ABHD2: variants seen among roughly 807,000 people sequenced by gnomAD.
ABHD2 encodes the protein monoacylglycerol lipase ABHD2.
Under a neutral mutation model 48.1 loss-of-function variants are expected in ABHD2, and 20 were observed. That is an observed-to-expected ratio of 0.42 (90% CI 0.29 to 0.60). ABHD2 has a LOEUF of 0.60. Ranked by LOEUF, ABHD2 falls within the 20% of genes least tolerant of loss-of-function variation. ABHD2 has a pLI of 0.24. For missense variants in ABHD2, 405 were observed against 550.9 expected (o/e 0.74, Z 2.65); for synonymous variants, 209 against 214.2 (o/e 0.98, Z 0.21).
chr15:89,127,706 C>CATATATATATATATATATATATAT lies in ABHD2; in HGVS notation c.194+11198_194+11199insTATATATATATATATATATATATA, dbSNP rs71464446. Among the ~76,000 whole-genome samples the CATATATATATATATATATATATAT allele has an allele frequency of 1.0e-4, 13 of 129,894 alleles. 1 individual carries two copies. The highest frequency in any genetic ancestry group is 4.7e-4 in the African/African-American group (13 of 27,938). The allele number at this position is 129,894 out of a possible 152,430, so 85.2% of individuals were successfully genotyped here. A position where few individuals can be genotyped will look rare whatever the true frequency, so the allele number is the denominator to read the frequency against. On this transcript the variant is annotated intron_variant, in intron 3 of 10. Coordinates refer to ENST00000352732, the MANE Select transcript of ABHD2 (RefSeq NM_152924.5). The stretch of plus-strand genomic sequence containing the variant: ...TCTTCTCAGTGAATATATATATATA[C>CATATATATATATATATATATATAT]ATATATATATATACACATATATATA...
chr15:89,090,178 C>G (rs1901537789), intron 1 of ABHD2: 1 of 152,212 alleles, frequency 6.6e-6, no homozygotes, highest in Non-Finnish European at 1.5e-5. Flanking sequence ...GATTTTGGTG[C>G]CTGAGTGCCT....
chr15:89,057,655 C>T, the ABHD2 span, among the ~76,000 whole-genome samples: 1 of 152,178 alleles, frequency 6.6e-6, no homozygotes, highest in Non-Finnish European at 1.5e-5. Context: ...GGCTCACCCC[C>T]ATTCCTGCTG....
the ABHD2 span, among the ~76,000 whole-genome samples, chr15:89,077,130 C>A: frequency 6.6e-6 from 1 of 152,158 alleles, no homozygotes; most frequent in Non-Finnish European, 1.5e-5. Flanking sequence ...CACTGGCACC[C>A]AAGAACCCCC....
chr15:89,114,925 C>T lies in ABHD2; in HGVS notation c.-7+1101C>T, dbSNP rs945125942. ...TGCCCTGATGGTGGAAGACTAGTTACGGAGCTGTGATCTTTTACTTCCATT... is the reference window on the plus strand; with the variant it reads ...TGCCCTGATGGTGGAAGACTAGTTATGGAGCTGTGATCTTTTACTTCCATT... On this transcript the variant is annotated intron_variant, in intron 2 of 10. Coordinates refer to ENST00000352732, the MANE Select transcript of ABHD2 (RefSeq NM_152924.5). This position sits in a 1 kb window ranked among gnomAD's most constrained non-coding sequence, Gnocchi z 4.2. 6.6e-6 allele frequency among the ~76,000 whole-genome samples: 1 copy of T among 152,210 alleles called. No individual in the cohort carries two copies. The highest frequency in any genetic ancestry group is 1.5e-5 in the Non-Finnish European group (1 of 68,030).
At chr15:89,075,897 A>T in the ABHD2 span, among the ~76,000 whole-genome samples, 6 of 152,354 alleles carry the variant, frequency 3.9e-5, 1 homozygote, top group East Asian at 1.2e-3. The surrounding 1 kb of genome is among the most constrained non-coding windows in gnomAD (Gnocchi z 4.1). Flanking sequence ...CCAGAGTCCC[A>T]AGCTACCAAG....
chr15:89,142,170 C>A (rs763582941), intron 3 of ABHD2, among the ~76,000 whole-genome samples: 27 of 152,176 alleles, frequency 1.8e-4, no homozygotes, highest in Admixed American at 2.6e-4. Flanking sequence ...AACTCCCTAG[C>A]CTCAGGATCC....
chr15:89,123,593 C>CTTTTTTTTTTTT (rs138910210), intron 3 of ABHD2, among the ~76,000 whole-genome samples: 154 of 96,636 alleles, frequency 1.6e-3, no homozygotes, highest in East Asian at 3.7e-3. Context: ...TTCTTTCTTT[C>CTTTTTTTTTTTT]TTTTTTTTTT....
At position 89,100,786 on chromosome 15, in the gene ABHD2, T is replaced by C. The variant is rs2049689419; in HGVS notation, c.-107+12223T>C. The stretch of plus-strand genomic sequence containing the variant: ...CGGGAGGCTGAGGCAGGAGAATTGC[T>C]GGAACCCAGGAGGCGGAGGTTGCTG... On this transcript the variant is annotated intron_variant, in intron 1 of 10. Transcript: ENST00000352732. This position sits in a 1 kb window ranked among gnomAD's most constrained non-coding sequence, Gnocchi z 4.4. 6.6e-6 allele frequency among the ~76,000 whole-genome samples: 1 copy of C among 152,150 alleles called. No individual in the cohort carries two copies. Among genetic ancestry groups the C allele is most frequent in the Non-Finnish European group, 1.5e-5 (1 of 68,024 alleles).
chr15:89,157,253 C>T (rs2050689584), intron 5 of ABHD2, among the ~76,000 whole-genome samples: 1 of 152,184 alleles, frequency 6.6e-6, no homozygotes. Context: ...AGTAAATGCC[C>T]AGTAAAATTG....
intron 3 of ABHD2, among the ~76,000 whole-genome samples, chr15:89,122,521 T>G (rs1306861155): frequency 6.6e-6 from 1 of 152,200 alleles, no homozygotes; most frequent in Non-Finnish European, 1.5e-5. Flanking sequence ...GGGAATCAGG[T>G]GTACCTTCAG....
At chr15:89,047,283 C>A in the ABHD2 span, among the ~76,000 whole-genome samples, 4 of 150,612 alleles carry the variant, frequency 2.7e-5, no homozygotes, top group South Asian at 4.2e-4. Context: ...AATTTCTGTT[C>A]TTTTACATTT....
chr15:89,107,768 T>C (rs1357644666), intron 1 of ABHD2, among the ~76,000 whole-genome samples: 2 of 152,094 alleles, frequency 1.3e-5, no homozygotes, highest in Non-Finnish European at 2.9e-5. Context: ...AGAAATCCTT[T>C]AGGGGTTTGG....
At chr15:89,074,019 C>T in the ABHD2 span, among the ~76,000 whole-genome samples, 1 of 152,184 alleles carries the variant, frequency 6.6e-6, no homozygotes, top group Admixed American at 6.5e-5. Context: ...GAATTAAATT[C>T]CATCCCAGCA....
intron 5 of ABHD2, among the ~76,000 whole-genome samples, chr15:89,172,278 AAAC>A (rs1309811357): frequency 6.6e-6 from 1 of 152,196 alleles, no homozygotes; most frequent in African/African-American, 2.4e-5. Context: ...TATACCCATT[AAAC>A]AACAACTCCC....
intron 3 of ABHD2, among the ~76,000 whole-genome samples, chr15:89,123,503 G>A (rs11638609): frequency 0.38 from 57,303 of 150,864 alleles, 11,238 homozygotes; most frequent in South Asian, 0.43. Flanking sequence ...AATTACGGAA[G>A]TTTTCTAGAG....
intron 3 of ABHD2, among the ~76,000 whole-genome samples, chr15:89,149,719 T>C (rs535009167): frequency 6.6e-6 from 1 of 152,288 alleles, no homozygotes; most frequent in South Asian, 2.1e-4. Context: ...ACTCCTCAGA[T>C]AAAAGTAGTT....
At chr15:89,042,759 G>A in the ABHD2 span, among the ~76,000 whole-genome samples, 4 of 151,816 alleles carry the variant, frequency 2.6e-5, no homozygotes, top group African/African-American at 9.7e-5. Context: ...TGACTCTCAT[G>A]CCTCAGCCTC....
In ABHD2 at chr15:89,166,153, A is replaced by G. The variant is rs1396668825; in HGVS notation, c.539-9659A>G. Among the ~76,000 whole-genome samples, 2 of 152,246 alleles carry G rather than the reference A, an allele frequency of 1.3e-5. No individual in the cohort carries two copies. The highest frequency in any genetic ancestry group is 4.8e-5 in the African/African-American group (2 of 41,466). ...AATAGGATTAAAAACAATATCTTCT[A>G]TGTCAAGTGAAAGGAATAAAAATAA... On this transcript the variant is annotated intron_variant, in intron 5 of 10. Transcript: ENST00000352732. This position sits in a 1 kb window ranked among gnomAD's most constrained non-coding sequence, Gnocchi z 4.6.
At chr15:89,147,292 A>G (rs913750661) in intron 3 of ABHD2, among the ~76,000 whole-genome samples, 3 of 151,824 alleles carry the variant, frequency 2.0e-5, no homozygotes, top group Non-Finnish European at 2.9e-5. Context: ...TTTTAAAACT[A>G]TAGAAGTAAT....
Sources: gnomAD v4.1 joint callset for allele counts (sites outside exome capture counted in the v4.1 genomes callset) on GRCh38, gnomAD v4.1.1 for gene constraint, Gnocchi (gnomAD v3.1) non-coding constraint, MANE v1.5 for transcripts, NCBI Gene and HGNC (gene_info 2026-07-23, HGNC 2026-07-21) for gene names.